Variants in DICER1 observed in about 807,000 individuals in gnomAD.
The protein encoded by DICER1 is dicer 1, ribonuclease III.
In DICER1, 43 loss-of-function variants were observed where a neutral mutation model predicts 194.1. The observed-to-expected ratio is 0.22, with a 90% confidence interval of 0.17 to 0.29. DICER1 has a LOEUF of 0.29. Among genes scored for constraint, DICER1 ranks in the 10% least tolerant of loss-of-function variants. The probability of loss-of-function intolerance (pLI) is 1.00; values close to 1 mark genes in which losing one functional copy is unlikely to be tolerated. For missense variants in DICER1, 1,608 were observed against 2,317.0 expected (o/e 0.69, Z 6.28); for synonymous variants, 832 against 820.5 (o/e 1.01, Z -0.24).
rs550196410 is a variant in DICER1 at position 95,088,216 on chromosome 14, T to A, written c.*2282A>T. On this transcript the variant is annotated 3_prime_UTR_variant, in exon 27 of 27. Coordinates refer to ENST00000343455, the MANE Select transcript of DICER1 (RefSeq NM_177438.3). ...GAACCCCTGAGAATGTATGACCTAA[T>A]CATGTCTAAGTTTGAACATCTTAGT... The A allele has an allele frequency of 8.6e-6, 2 of 232,404 alleles. No individual in the cohort carries two copies. Among genetic ancestry groups the A allele is most frequent in the East Asian group, 1.2e-4 (2 of 16,318 alleles). The allele number at this position is 232,404 out of a possible 1,614,324, so 14.4% of individuals were successfully genotyped here.
At chr14:95,129,985 A>C in intron 5 of DICER1, 73 bp downstream of exon 5, 1 of 1,442,604 alleles carries the variant, frequency 6.9e-7, no homozygotes, top group Admixed American at 1.8e-5. Context: ...ATTGCTTTTG[A>C]AATCTAAAAA....
chr14:95,127,139 T>C (rs755136187), intron 6 of DICER1, among the ~76,000 whole-genome samples: 31 of 152,336 alleles, frequency 2.0e-4, no homozygotes, highest in Non-Finnish European at 3.4e-4. Flanking sequence ...AGACATTACA[T>C]GACTCTGTCT....
chr14:95,108,794 T>A (rs1891692777), intron 14 of DICER1, among the ~76,000 whole-genome samples: 1 of 152,340 alleles, frequency 6.6e-6, no homozygotes, highest in South Asian at 2.1e-4. Flanking sequence ...AGGGCCTTTT[T>A]AAAAATACTA....
At chr14:95,098,932 C>T (rs1444651110) in intron 22 of DICER1, among the ~76,000 whole-genome samples, 4 of 151,998 alleles carry the variant, frequency 2.6e-5, no homozygotes, top group African/African-American at 7.2e-5. Flanking sequence ...ATATAGGATA[C>T]ATGCATCACA....
At chr14:95,092,704 T>C (rs1186459931) in intron 24 of DICER1, among the ~76,000 whole-genome samples, 1 of 152,194 alleles carries the variant, frequency 6.6e-6, no homozygotes, top group Non-Finnish European at 1.5e-5. Context: ...TCTATACATA[T>C]GTTTATATAA....
intron 1 of DICER1, among the ~76,000 whole-genome samples, chr14:95,146,950 T>C (rs1895175969): frequency 6.6e-6 from 1 of 151,880 alleles, no homozygotes; most frequent in African/African-American, 2.4e-5. Context: ...TGAGAAAGGA[T>C]AAGAAGGAAA....
At position 95,130,114 on chromosome 14, in the gene DICER1, C is replaced by T. The variant is rs1054932577; in HGVS notation, c.517G>A (p.Val173Met). The change falls in exon 5 of 27, where the codon GTG becomes ATG. Residue 173 changes from valine to methionine, a missense_variant. Physicochemically the swap from Val to Met is conservative, Grantham distance 21. Around this residue, in one of 10 missense-constraint regions of DICER1, gnomAD observed 657 missense variants for 910.1 expected, o/e 0.72. Coordinates refer to ENST00000343455, the MANE Select transcript of DICER1 (RefSeq NM_177438.3). Reference sequence around the variant, plus strand: ...ATTGCAAGATGACACTCATCAAACACCAAAAGGTTAATGTCTGACAGTGAT... The same window carrying T: ...ATTGCAAGATGACACTCATCAAACATCAAAAGGTTAATGTCTGACAGTGAT... ...YLSLSDINLLVFDECHLAILD... is the reference protein window; with the variant it reads ...YLSLSDINLLMFDECHLAILD... The T allele has an allele frequency of 6.2e-7, 1 of 1,613,444 alleles. No homozygotes were observed. The highest frequency in any genetic ancestry group is 8.5e-7 in the Non-Finnish European group (1 of 1,179,650).
intron 6 of DICER1, 66 bp from the exon 7 acceptor site, chr14:95,126,814 TC>T (rs1453647794): frequency 1.5e-5 from 11 of 745,088 alleles, no homozygotes; most frequent in South Asian, 2.4e-5. Flanking sequence ...AAAAAGTTTT[TC>T]AAAAAGCAAA....
At position 95,105,649 on chromosome 14, in the gene DICER1, A is replaced by G; in HGVS notation, c.3093+29T>C. ...AATCTTTAATACTCAAACAAATACT[A>G]AGTTATGCTAGTACAATTAACTCAT... On this transcript the variant is annotated intron_variant, in intron 19 of 26. Transcript: ENST00000343455. This position sits in a 1 kb window ranked among gnomAD's most constrained non-coding sequence, Gnocchi z 4.9. 7.0e-7 allele frequency: 1 copy of G among 1,425,396 alleles called. No individual in the cohort carries two copies. The allele number at this position is 1,425,396 out of a possible 1,614,324, so 88.3% of individuals were successfully genotyped here.
At chr14:95,132,800 A>C in intron 2 of DICER1, 123 bp from the exon 3 acceptor site, 1 of 900,580 alleles carries the variant, frequency 1.1e-6, no homozygotes, top group South Asian at 1.5e-5. Flanking sequence ...ATAAATTTAC[A>C]AAAAAAACCC....
rs1595353726 is a variant in DICER1, at chr14:95,099,901, T to C, written c.4085A>G (p.Lys1362Arg). The change falls in exon 22 of 27, where the codon AAG becomes AGG. Residue 1362 changes from lysine to arginine, a missense_variant. Around this residue, in one of 10 missense-constraint regions of DICER1, gnomAD observed 58 missense variants for 125.7 expected, o/e 0.46. Coordinates refer to ENST00000343455, the MANE Select transcript of DICER1 (RefSeq NM_177438.3). ...CACCATGCGGCTGGGTAGTCCCTTCTTTTTTCCAAGGCGATACAGATTACA... is the reference window on the plus strand; with the variant it reads ...CACCATGCGGCTGGGTAGTCCCTTCCTTTTTCCAAGGCGATACAGATTACA... Reference protein sequence around the residue: ...SNCNLYRLGKKKGLPSRMVVS... With the variant: ...SNCNLYRLGKRKGLPSRMVVS... The C allele has an allele frequency of 6.2e-7, 1 of 1,614,084 alleles. No homozygotes were observed. Among genetic ancestry groups the C allele is most frequent in the African/African-American group, 1.3e-5 (1 of 75,048 alleles).
At chr14:95,100,403 G>A (rs998876962) in intron 21 of DICER1, among the ~76,000 whole-genome samples, 2 of 152,134 alleles carry the variant, frequency 1.3e-5, no homozygotes, top group African/African-American at 2.4e-5. Flanking sequence ...AACTGGCACC[G>A]AACAAAACTG....
At chr14:95,126,807 A>C in intron 6 of DICER1, 59 bp from the exon 7 acceptor site, 1 of 1,218,754 alleles carries the variant, frequency 8.2e-7, no homozygotes, top group Non-Finnish European at 1.2e-6. Flanking sequence ...AATTTAAAAA[A>C]AGTTTTTCAA....
At chr14:95,109,228 A>C (rs968286822) in intron 14 of DICER1, among the ~76,000 whole-genome samples, 1 of 152,258 alleles carries the variant, frequency 6.6e-6, no homozygotes, top group Non-Finnish European at 1.5e-5. Context: ...GGCTTTCAAT[A>C]TTAACACAAT....
At chr14:95,119,083 T>C (rs1031278658) in intron 8 of DICER1, among the ~76,000 whole-genome samples, 2 of 152,172 alleles carry the variant, frequency 1.3e-5, no homozygotes, top group Non-Finnish European at 2.9e-5. Flanking sequence ...AAGTCTAAAA[T>C]ACAAAATAAA....
chr14:95,135,356 G>C (rs1330398535), intron 1 of DICER1, among the ~76,000 whole-genome samples: 1 of 152,052 alleles, frequency 6.6e-6, no homozygotes, highest in Non-Finnish European at 1.5e-5. Flanking sequence ...TAAAACAAAG[G>C]AGAAAAGAGG....
At chr14:95,094,560 T>A (rs1303552912) in intron 23 of DICER1, among the ~76,000 whole-genome samples, 2 of 152,202 alleles carry the variant, frequency 1.3e-5, no homozygotes, top group East Asian at 1.9e-4. Flanking sequence ...CACCTCTCCA[T>A]GTGGCTACAC....
At chr14:95,127,116 A>C (rs1448180321) in intron 6 of DICER1, among the ~76,000 whole-genome samples, 1 of 152,196 alleles carries the variant, frequency 6.6e-6, no homozygotes, top group Non-Finnish European at 1.5e-5. Flanking sequence ...TGACGAAGGA[A>C]ATGAAGGTTC....
Position 95,108,370 on chromosome 14 carries a change from T to C in DICER1, c.2390A>G (p.Asp797Gly), listed in dbSNP as rs755375348. The stretch of plus-strand genomic sequence containing the variant: ...CAGTATTCCAAAGCATCTTGTGGTA[T>C]CTTCAGGAGGATAGAGCTTCCGCCT... Reference protein sequence around the residue: ...FRRRKLYPPEDTTRCFGILTA... With the variant: ...FRRRKLYPPEGTTRCFGILTA... The change falls in exon 15 of 27, where the codon GAT becomes GGT. Residue 797 changes from aspartate (D) to glycine (G), a missense_variant. By Grantham distance (94) the Asp-to-Gly change is moderately conservative. Coordinates refer to ENST00000343455, the MANE Select transcript of DICER1 (RefSeq NM_177438.3). 33 of 1,614,024 alleles carry C rather than the reference T, an allele frequency of 2.0e-5. No homozygotes were observed. The South Asian group carries it at 3.2e-4, about 16-fold the overall frequency.
Sources: gnomAD v4.1 joint callset for allele counts (sites outside exome capture counted in the v4.1 genomes callset) on GRCh38, gnomAD v4.1.1 for gene constraint, gnomAD v4.1.1 regional missense constraint, Gnocchi (gnomAD v3.1) non-coding constraint, MANE v1.5 for transcripts, NCBI Gene and HGNC (gene_info 2026-07-23, HGNC 2026-07-21) for gene names.